Variants in PRKCQ observed in about 807,000 individuals in gnomAD.
The protein encoded by PRKCQ is protein kinase C theta.
In PRKCQ, 41 loss-of-function variants were observed where a neutral mutation model predicts 91.2. The ratio of observed to expected loss-of-function variants is 0.45; its 90% confidence interval spans 0.35 to 0.58. The LOEUF (loss-of-function observed/expected upper bound fraction) is 0.58. Ranked by LOEUF, PRKCQ falls within the 20% of genes least tolerant of loss-of-function variation. The probability of loss-of-function intolerance (pLI) is 0.00; values close to 1 mark genes in which losing one functional copy is unlikely to be tolerated. For synonymous variants in PRKCQ, 307 were observed against 316.9 expected, an observed-to-expected ratio of 0.97 and a Z score of 0.33; for missense variants, 673 against 896.5, an observed-to-expected ratio of 0.75 and a Z score of 3.18.
chr10:6,503,030 T>C (rs954482801), intron 4 of PRKCQ, among the ~76,000 whole-genome samples: 7 of 152,182 alleles, frequency 4.6e-5, no homozygotes, highest in South Asian at 2.1e-4. Flanking sequence ...TATGACTTTT[T>C]CTAGCAAAGC....
At chr10:6,454,112 T>C (rs950781351) in intron 15 of PRKCQ, among the ~76,000 whole-genome samples, 2 of 152,186 alleles carry the variant, frequency 1.3e-5, no homozygotes, top group Non-Finnish European at 2.9e-5. Flanking sequence ...TTTTAAACTA[T>C]ATATTATTGT....
rs1172615290 is a variant in PRKCQ at position 6,465,945 on chromosome 10, C to T, written c.1354-1541G>A. On this transcript the variant is annotated intron_variant, in intron 12 of 17. Transcript: ENST00000263125. This position sits in a 1 kb window ranked among gnomAD's most constrained non-coding sequence, Gnocchi z 4.4. ...CAGATTTCAAACCCAATTTGAGAGTCGTCATTGGCTTTGCCTGCACACACC... is the reference window on the plus strand; with the variant it reads ...CAGATTTCAAACCCAATTTGAGAGTTGTCATTGGCTTTGCCTGCACACACC... 5.9e-5 allele frequency among the ~76,000 whole-genome samples: 9 copies of T among 152,320 alleles called. No homozygotes were observed. Among genetic ancestry groups the T allele is most frequent in the Admixed American group, 2.6e-4 (4 of 15,302 alleles).
intron 7 of PRKCQ, among the ~76,000 whole-genome samples, chr10:6,496,138 C>T (rs879719377): frequency 1.4e-5 from 2 of 147,542 alleles, no homozygotes; most frequent in Non-Finnish European, 3.0e-5. Flanking sequence ...ATCTCTTGAT[C>T]CTGGAAGGTG....
At chr10:6,549,927 C>T (rs775779449) in intron 1 of PRKCQ, among the ~76,000 whole-genome samples, 8 of 152,082 alleles carry the variant, frequency 5.3e-5, no homozygotes, top group Non-Finnish European at 7.4e-5. Flanking sequence ...CCACCGCGCC[C>T]GGCTGAAATT....
intron 15 of PRKCQ, among the ~76,000 whole-genome samples, chr10:6,445,788 A>C (rs1356791335): frequency 6.6e-6 from 1 of 152,248 alleles, no homozygotes; most frequent in African/African-American, 2.4e-5. Flanking sequence ...GAGAATGATA[A>C]GGAAATATAA....
chr10:6,540,945 A>G (rs1429069377), intron 1 of PRKCQ, among the ~76,000 whole-genome samples: 1 of 152,180 alleles, frequency 6.6e-6, no homozygotes, highest in East Asian at 1.9e-4. Flanking sequence ...GAGCTTATTG[A>G]TTTGTGTTGT....
At chr10:6,499,145 A>G (rs1458004163) in intron 4 of PRKCQ, among the ~76,000 whole-genome samples, 1 of 152,224 alleles carries the variant, frequency 6.6e-6, no homozygotes, top group Non-Finnish European at 1.5e-5. Flanking sequence ...CACAGTGATC[A>G]GACACACCAG....
intron 1 of PRKCQ, chr10:6,515,431 G>A: frequency 1.0e-6 from 1 of 985,396 alleles, no homozygotes; most frequent in Non-Finnish European, 1.2e-6. Context: ...AATGGAGTTA[G>A]GCCCAATGGT....
At chr10:6,483,720 G>A in intron 10 of PRKCQ, 120 bp from the exon 11 acceptor site, 1 of 1,179,512 alleles carries the variant, frequency 8.5e-7, no homozygotes, top group Non-Finnish European at 1.2e-6. Context: ...GTAATTGGGG[G>A]TGTTTAGAGG....
chr10:6,505,448 C>T (rs1288171816), intron 4 of PRKCQ, among the ~76,000 whole-genome samples: 2 of 151,520 alleles, frequency 1.3e-5, no homozygotes, highest in Non-Finnish European at 2.9e-5. Flanking sequence ...TTCCTTCTTT[C>T]TTTCTTTTGA....
chr10:6,494,719 T>C (rs920441489), intron 7 of PRKCQ, among the ~76,000 whole-genome samples: 14 of 152,234 alleles, frequency 9.2e-5, no homozygotes, highest in Admixed American at 5.2e-4. Context: ...TTTAGATTCC[T>C]TTGTAGTCAG....
At chr10:6,569,090 T>C (rs936228566) in intron 1 of PRKCQ, among the ~76,000 whole-genome samples, 1 of 152,222 alleles carries the variant, frequency 6.6e-6, no homozygotes, top group African/African-American at 2.4e-5. Context: ...TAGCACACAG[T>C]ACCTTGGGCA....
At position 6,522,805 on chromosome 10, in the gene PRKCQ, T is replaced by C. The variant is rs546807485; in HGVS notation, c.-9-7661A>G. 3.9e-5 allele frequency among the ~76,000 whole-genome samples: 6 copies of C among 152,302 alleles called. No individual in the cohort carries two copies. In the South Asian group the frequency reaches 1.2e-3, roughly 32 times the overall value. ...GGAAGAAAGAACACAGATTAATCAATAGTAAATCTGGGAATGAGAAACAAA... is the reference window on the plus strand; with the variant it reads ...GGAAGAAAGAACACAGATTAATCAACAGTAAATCTGGGAATGAGAAACAAA... On this transcript the variant is annotated intron_variant, in intron 1 of 17. Transcript: ENST00000263125.
chr10:6,533,642 G>C (rs543214235), intron 1 of PRKCQ, among the ~76,000 whole-genome samples: 1 of 152,150 alleles, frequency 6.6e-6, no homozygotes, highest in African/African-American at 2.4e-5. Context: ...TTAAAATAAA[G>C]ATATTATAAT....
intron 1 of PRKCQ, among the ~76,000 whole-genome samples, chr10:6,518,786 C>T (rs1008343030): frequency 1.3e-5 from 2 of 151,790 alleles, no homozygotes; most frequent in African/African-American, 4.8e-5. Flanking sequence ...TCATTGCACT[C>T]CAGCCTAGGC....
chr10:6,575,971 T>C (rs1041833135), intron 1 of PRKCQ, among the ~76,000 whole-genome samples: 1 of 151,530 alleles, frequency 6.6e-6, no homozygotes, highest in Non-Finnish European at 1.5e-5. Flanking sequence ...ACCTGGGAGG[T>C]AGAGGTTGCA....
intron 1 of PRKCQ, among the ~76,000 whole-genome samples, chr10:6,579,236 C>T (rs900361641): frequency 6.6e-6 from 1 of 152,178 alleles, no homozygotes; most frequent in Non-Finnish European, 1.5e-5. Context: ...ACACCAGGCA[C>T]AGATGGTTCA....
intron 7 of PRKCQ, among the ~76,000 whole-genome samples, 190 bp downstream of exon 7, chr10:6,496,844 TC>T (rs1191030427): frequency 7.9e-5 from 12 of 152,164 alleles, no homozygotes; most frequent in Admixed American, 7.2e-4. Context: ...CTGGCTAATT[TC>T]TAATTCATCC....
chr10:6,479,486 G>A (rs2130766181), intron 11 of PRKCQ, among the ~76,000 whole-genome samples: 1 of 152,312 alleles, frequency 6.6e-6, no homozygotes, highest in East Asian at 1.9e-4. Context: ...GAGATAAAGT[G>A]CACAGTGAAG....
Sources: allele counts gnomAD v4.1 joint callset (sites outside exome capture counted in the v4.1 genomes callset), GRCh38; gene constraint gnomAD v4.1.1; non-coding constraint Gnocchi (gnomAD v3.1); transcripts MANE v1.5; gene names NCBI Gene and HGNC (gene_info 2026-07-23, HGNC 2026-07-21).